The following PDIA3 variants were observed in gnomAD, a reference collection of about 807,000 sequenced individuals.
The protein encoded by PDIA3 is protein disulfide-isomerase A3.
A neutral mutation model predicts 56.9 loss-of-function variants in PDIA3; 16 were observed. The observed-to-expected ratio is 0.28, with a 90% confidence interval of 0.19 to 0.43. The LOEUF is 0.43. Among genes scored for constraint, PDIA3 ranks in the 20% least tolerant of loss-of-function variants. PDIA3 has a pLI of 1.00. For missense variants in PDIA3, 485 were observed against 621.3 expected (o/e 0.78, Z 2.33); for synonymous variants, 192 against 216.5 (o/e 0.89, Z 0.99).
chr15:43,756,918 T>C (rs1295777145), intron 3 of PDIA3, 152 bp downstream of exon 3: 1 of 534,520 alleles, frequency 1.9e-6, no homozygotes, highest in Non-Finnish European at 3.3e-6. Flanking sequence ...AAGACCTCTC[T>C]AAATGAACAG....
At chr15:43,762,346 TACTAAAAATACA>T (rs1232875650) in intron 4 of PDIA3, among the ~76,000 whole-genome samples, 1 of 152,082 alleles carries the variant, frequency 6.6e-6, no homozygotes. Flanking sequence ...ACCCTGTCTC[TACTAAAAATACA>T]AAATTAGCCG....
Position 43,746,536 on chromosome 15 carries a change from C to G in PDIA3, c.-4C>G. 1 of 1,594,998 alleles carries G rather than the reference C, an allele frequency of 6.3e-7. No individual in the cohort carries two copies. Among genetic ancestry groups the G allele is most frequent in the Non-Finnish European group, 8.5e-7 (1 of 1,172,846 alleles). ...TCCGGCCGTCCCCACCCCACCTCGCCGCCATGCGCCTCCGCCGCCTAGCGC... is the reference window on the plus strand; with the variant it reads ...TCCGGCCGTCCCCACCCCACCTCGCGGCCATGCGCCTCCGCCGCCTAGCGC... On this transcript the variant is annotated 5_prime_UTR_variant, in exon 1 of 13. Transcript: ENST00000300289.
chr15:43,770,592 G>A lies in PDIA3; in HGVS notation c.1404+12G>A. On this transcript the variant is annotated intron_variant, in intron 12 of 12. Transcript: ENST00000300289. ...CAAAGAAATATGAAGTAAGTGAATT[G>A]TCCCATATCCCCACAAATATATACA... 6.4e-7 allele frequency: 1 copy of A among 1,574,658 alleles called. No individual in the cohort carries two copies. Among genetic ancestry groups the A allele is most frequent in the African/African-American group, 1.3e-5 (1 of 74,234 alleles).
At chr15:43,769,752 T>G (rs2086870038) in intron 10 of PDIA3, 106 bp downstream of exon 10, 2 of 1,221,568 alleles carry the variant, frequency 1.6e-6, no homozygotes. Flanking sequence ...CTGATAGATT[T>G]TTTTCCCAAT....
At chr15:43,768,025 C>A (rs564410373) in intron 8 of PDIA3, among the ~76,000 whole-genome samples, 4 of 152,096 alleles carry the variant, frequency 2.6e-5, no homozygotes, top group African/African-American at 4.8e-5. Flanking sequence ...ACCATTCCCC[C>A]CCCTCATCCC....
rs114360455 is a variant in PDIA3 at position 43,765,813 on chromosome 15, A to G, written c.720-74A>G. 1,336 of 1,460,408 alleles carry G rather than the reference A, an allele frequency of 9.1e-4. 8 individuals are homozygous for G. The African/African-American group carries it at 0.016, about 18-fold the overall frequency. 90.5% of individuals were successfully genotyped at this position (1,460,408 alleles called of 1,614,324 possible). A position where few individuals can be genotyped will look rare whatever the true frequency, so the allele number is the denominator to read the frequency against. On this transcript the variant is annotated intron_variant, in intron 6 of 12. Transcript: ENST00000300289. Reference sequence around the variant, plus strand: ...ATCTCTTTCCTTCATAAATGCTATCAATTATTTTGTGGCAACTTTATGATA... The same window carrying G: ...ATCTCTTTCCTTCATAAATGCTATCGATTATTTTGTGGCAACTTTATGATA...
At chr15:43,763,707 T>C (rs1157237961) in intron 5 of PDIA3, among the ~76,000 whole-genome samples, 1 of 151,918 alleles carries the variant, frequency 6.6e-6, no homozygotes, top group Admixed American at 6.6e-5. Flanking sequence ...AAAATGAAAG[T>C]GTAAGTGTAT....
intron 3 of PDIA3, among the ~76,000 whole-genome samples, chr15:43,759,997 G>A (rs2086803977): frequency 6.6e-6 from 1 of 152,124 alleles, no homozygotes; most frequent in Non-Finnish European, 1.5e-5. Context: ...GCTGAGGCAG[G>A]AGAATTGCTT....
Position 43,769,532 on chromosome 15 carries a change from G to T in PDIA3, c.1152G>T (p.Glu384Asp), listed in dbSNP as rs375102239. 6.2e-7 allele frequency: 1 copy of T among 1,613,210 alleles called. No homozygotes were observed. The highest frequency in any genetic ancestry group is 8.5e-7 in the Non-Finnish European group (1 of 1,179,196). Reference sequence around the variant, plus strand: ...GTGTTTTCCAGGTAGTGGTAGCAGAGAATTTTGATGAAATAGTGAATAATG... The same window carrying T: ...GTGTTTTCCAGGTAGTGGTAGCAGATAATTTTGATGAAATAGTGAATAATG... ...NDGPVKVVVA[E>D]NFDEIVNNEN... is the part of the protein sequence containing the mutation. Residue 384 changes from glutamate (E) to aspartate (D), a missense_variant, in exon 10 of 13, where the codon GAG (glutamate) becomes GAT (aspartate). Transcript: ENST00000300289.
Position 43,766,010 on chromosome 15 carries a change from C to T in PDIA3, c.843C>T (p.Asn281=), listed in dbSNP as rs1162773034. 2.5e-6 allele frequency: 4 copies of T among 1,612,446 alleles called. No homozygotes were observed. In the South Asian group the frequency reaches 3.3e-5, roughly 13 times the overall value. ...CTAAAGGTTCCAACTACTGGAGAAA[C>T]AGGTAATAAGAATTATGTTTTTCCC... ...KNAKGSNYWR[N]RVMMVAKKFL... The change falls in exon 7 of 13, where the codon AAC becomes AAT. Residue 281 remains asparagine (N), a splice_region_variant and synonymous_variant. Coordinates refer to ENST00000300289, the MANE Select transcript of PDIA3 (RefSeq NM_005313.5).
intron 2 of PDIA3, among the ~76,000 whole-genome samples, chr15:43,756,059 C>T (rs892303902): frequency 6.6e-6 from 1 of 152,046 alleles, no homozygotes; most frequent in Non-Finnish European, 1.5e-5. Flanking sequence ...ATAATATATG[C>T]AAAGTACTTG....
At chr15:43,748,716 GTTGAGGTC>G (rs2086723387) in intron 1 of PDIA3, among the ~76,000 whole-genome samples, 1 of 151,718 alleles carries the variant, frequency 6.6e-6, no homozygotes, top group Non-Finnish European at 1.5e-5. Flanking sequence ...GAAGTCTCCT[GTTGAGGTC>G]TTTATTTCTT....
intron 10 of PDIA3, 81 bp from the exon 11 acceptor site, chr15:43,770,169 T>C (rs1318244052): frequency 9.1e-7 from 1 of 1,103,272 alleles, no homozygotes; most frequent in Non-Finnish European, 1.4e-6. Flanking sequence ...AGAATGAGAT[T>C]GTTTTAAGTC....
chr15:43,753,853 A>G lies in PDIA3; in HGVS notation c.197A>G (p.Glu66Gly), dbSNP rs760346730. The G allele has an allele frequency of 2.7e-5, 44 of 1,613,670 alleles. No homozygotes were observed. The highest frequency in any genetic ancestry group is 1.5e-4 in the Admixed American group (9 of 60,004). ...WCGHCKRLAP[E>G]YEAAATRLKG... is the part of the protein sequence containing the mutation. ...GGACACTGCAAGAGACTTGCACCTG[A>G]GTATGAAGCTGCAGCTACCAGATTA... Residue 66 changes from glutamate (E) to glycine (G), a missense_variant, in exon 2 of 13, where the codon GAG (glutamate) becomes GGG (glycine). Transcript: ENST00000300289.
At chr15:43,770,399 A>C (rs970504914) in intron 11 of PDIA3, 70 bp downstream of exon 11, 3 of 1,418,354 alleles carry the variant, frequency 2.1e-6, no homozygotes. Flanking sequence ...CCACCAGGAA[A>C]TCATTACTAG....
chr15:43,762,605 T>C (rs2141653213), intron 4 of PDIA3, among the ~76,000 whole-genome samples: 1 of 152,286 alleles, frequency 6.6e-6, no homozygotes, highest in East Asian at 1.9e-4. Context: ...TAGATTTTAC[T>C]GATTCTTTAT....
At chr15:43,748,653 C>T (rs1308249832) in intron 1 of PDIA3, among the ~76,000 whole-genome samples, 2 of 152,178 alleles carry the variant, frequency 1.3e-5, no homozygotes, top group African/African-American at 4.8e-5. Context: ...AAGTCATCCT[C>T]CACAATTTCA....
At chr15:43,761,826 G>C (rs187048944) in intron 4 of PDIA3, among the ~76,000 whole-genome samples, 64 of 151,976 alleles carry the variant, frequency 4.2e-4, no homozygotes, top group African/African-American at 1.4e-3. Context: ...TGGGTGTGGG[G>C]AAAAAAATAA....
chr15:43,773,244 C>A lies in PDIA3; in HGVS notation c.*2026C>A. 1.2e-6 allele frequency: 2 copies of A among 1,613,626 alleles called. No homozygotes were observed. Among genetic ancestry groups the A allele is most frequent in the East Asian group, 4.5e-5 (2 of 44,888 alleles). ...GGGTACTGCTGCAGAGAAAAAGCAT[C>A]CATGTCAAAAAGTAAAAATTCTCAT... On this transcript the variant is annotated 3_prime_UTR_variant, in exon 13 of 13. Transcript: ENST00000300289.
Sources: gnomAD v4.1 joint callset for allele counts (sites outside exome capture counted in the v4.1 genomes callset) on GRCh38, gnomAD v4.1.1 for gene constraint, MANE v1.5 for transcripts, NCBI Gene and HGNC (gene_info 2026-07-23, HGNC 2026-07-21) for gene names.